Variants in ADGRG4 observed in about 807,000 individuals in gnomAD.
ADGRG4 encodes G protein-coupled receptor 112.
A neutral mutation model predicts 126.2 loss-of-function variants in ADGRG4; 122 were observed. The observed-to-expected ratio is 0.97, with a 90% CI of 0.83 to 1.12. The LOEUF (loss-of-function observed/expected upper bound fraction) is 1.12. Ranked by LOEUF, ADGRG4 falls within the 50% of genes most tolerant of loss-of-function variation. The pLI is 0.00. For missense variants in ADGRG4, 2,481 were observed against 2,251.8 expected, an observed-to-expected ratio of 1.10 and a Z score of -2.06; for synonymous variants, 943 against 838.7, an observed-to-expected ratio of 1.12 and a Z score of -2.15.
intron 15 of ADGRG4, among the ~76,000 whole-genome samples, chrX:136,383,861 T>C (rs183774237): frequency 3.4e-5 from 3 of 87,525 alleles, no homozygotes; most frequent in Admixed American, 1.2e-4. Flanking sequence ...TTTCTTTCTT[T>C]CTTTCTTTCT....
chrX:136,351,927 C>T (rs1424195688), intron 7 of ADGRG4, among the ~76,000 whole-genome samples: 1 of 110,872 alleles, frequency 9.0e-6, no homozygotes, highest in African/African-American at 3.3e-5. Flanking sequence ...TTGTTTTCTG[C>T]ATTTTATTTC....
chrX:136,395,987 C>T (rs1165958456), intron 19 of ADGRG4, among the ~76,000 whole-genome samples: 2 of 111,291 alleles, frequency 1.8e-5, no homozygotes, highest in Non-Finnish European at 3.8e-5. Context: ...TTTAACTAAT[C>T]CCTGACTAGT....
At chrX:136,310,146 G>GTTA (rs1243774004) in intron 4 of ADGRG4, among the ~76,000 whole-genome samples, 2 of 109,751 alleles carry the variant, frequency 1.8e-5, no homozygotes, top group Non-Finnish European at 3.8e-5. Flanking sequence ...TATTATTATT[G>GTTA]TTATTATTAT....
chrX:136,332,534 C>G (rs1479629539), intron 5 of ADGRG4, among the ~76,000 whole-genome samples: 61 of 108,889 alleles, frequency 5.6e-4, no homozygotes, highest in African/African-American at 2.0e-3. Flanking sequence ...AATGGGATGG[C>G]TGGGTCAAAT....
chrX:136,333,412 G>T (rs147926210), intron 5 of ADGRG4, among the ~76,000 whole-genome samples: 24 of 100,859 alleles, frequency 2.4e-4, no homozygotes, highest in Non-Finnish European at 4.0e-4. Context: ...ATGAGCCACC[G>T]CACCCAGCCC....
rs372520868 is a variant in ADGRG4 at position 136,349,589 on chromosome X, A to C, written c.5883A>C (p.Leu1961Phe). ...LSENPSLSTS[L>F]RAITSTLADV... ...AGAACCCTTCATTATCAACATCTTTAAGAGCTATCACTTCCACATTGGCTG... is the reference window on the plus strand; with the variant it reads ...AGAACCCTTCATTATCAACATCTTTCAGAGCTATCACTTCCACATTGGCTG... Residue 1961 changes from leucine (L) to phenylalanine (F), a missense_variant, in exon 6 of 26, where the codon TTA (leucine) becomes TTC (phenylalanine). Coordinates refer to ENST00000394143, the MANE Select transcript of ADGRG4 (RefSeq NM_153834.4). 3 of 1,207,881 alleles carry C rather than the reference A, an allele frequency of 2.5e-6. No individual in the cohort carries two copies. Among genetic ancestry groups the C allele is most frequent in the African/African-American group, 3.5e-5 (2 of 56,910 alleles).
At position 136,392,243 on chromosome X, in the gene ADGRG4, C is replaced by T. The variant is rs532333796; in HGVS notation, c.7923C>T (p.Val2641=). The T allele has an allele frequency of 2.8e-5, 33 of 1,159,047 alleles. No individual in the cohort carries two copies. In the Admixed American group the frequency reaches 7.3e-4, roughly 26 times the overall value. The change falls in exon 17 of 26, where the codon GTC becomes GTT. Residue 2641 remains valine (V), a synonymous_variant. Transcript: ENST00000394143. ...GQTSLFKTKN[V]TKALTTYVVS... ...TGTTTCATCTGCAGACCAAAAATGT[C>T]ACTAAAGCATTAACCACCTATGTTG...
chrX:136,302,121 A>T (rs187970181), intron 1 of ADGRG4, among the ~76,000 whole-genome samples: 1 of 112,192 alleles, frequency 8.9e-6, no homozygotes, highest in East Asian at 2.8e-4. Context: ...TCTGTGAAGA[A>T]AGTCATTGGT....
chrX:136,325,684 C>T (rs1450555866), intron 5 of ADGRG4, among the ~76,000 whole-genome samples: 7 of 108,188 alleles, frequency 6.5e-5, no homozygotes, highest in Non-Finnish European at 1.9e-5. Flanking sequence ...TACTAGACAA[C>T]CCTGTTTTAT....
rs754689601 is a variant in ADGRG4, at chrX:136,371,356, T to C, written c.7425T>C (p.Ile2475=). ...DENAEDVAEH[I]LNLINESPAL... is the part of the protein sequence containing the mutation. ...ATGCTGAGGATGTTGCAGAGCATAT[T>C]TTAAATTTGATAAATGAATCCCCAG... The change falls in exon 14 of 26, where the codon ATT becomes ATC. Residue 2475 remains isoleucine (I), a synonymous_variant. Transcript: ENST00000394143. The C allele has an allele frequency of 2.5e-6, 3 of 1,194,168 alleles. No individual in the cohort carries two copies. The highest frequency in any genetic ancestry group is 1.1e-6 in the Non-Finnish European group (1 of 885,998).
intron 5 of ADGRG4, among the ~76,000 whole-genome samples, chrX:136,330,488 T>C (rs750100236): frequency 5.2e-4 from 57 of 110,019 alleles, no homozygotes; most frequent in African/African-American, 1.9e-3. Context: ...TATTCCATGG[T>C]ATGGATATGT....
At chrX:136,356,049 C>T (rs1036377547) in intron 8 of ADGRG4, 77 bp from the exon 9 acceptor site, 17 of 718,089 alleles carry the variant, frequency 2.4e-5, no homozygotes, top group Non-Finnish European at 3.5e-5. Flanking sequence ...TCAGAGTTGC[C>T]TTTCTCCTGA....
At chrX:136,397,015 T>A (rs996296838) in intron 19 of ADGRG4, among the ~76,000 whole-genome samples, 14 of 110,648 alleles carry the variant, frequency 1.3e-4, no homozygotes, top group African/African-American at 4.6e-4. Context: ...GGTCTCAATC[T>A]CCTGACCTCG....
intron 14 of ADGRG4, 50 bp from the exon 15 acceptor site, chrX:136,372,852 T>C: frequency 8.6e-7 from 1 of 1,165,731 alleles, no homozygotes; most frequent in East Asian, 3.0e-5. Context: ...GGAGGATGGG[T>C]TTTACTTTTA....
chrX:136,361,691 C>G, intron 12 of ADGRG4, 104 bp downstream of exon 12: 1 of 503,839 alleles, frequency 2.0e-6, no homozygotes, highest in Non-Finnish European at 3.0e-6. Flanking sequence ...CCTTCCTCCA[C>G]CTCTAGTGCC....
intron 5 of ADGRG4, 43 bp from the exon 6 acceptor site, chrX:136,344,349 C>G: frequency 2.1e-6 from 2 of 946,071 alleles, no homozygotes. Flanking sequence ...CTCTAATTTC[C>G]AAAGCTGAAT....
At chrX:136,324,422 A>AT (rs2148452073) in intron 5 of ADGRG4, among the ~76,000 whole-genome samples, 1 of 110,301 alleles carries the variant, frequency 9.1e-6, no homozygotes, top group African/African-American at 3.3e-5. Context: ...GTGTTTATTT[A>AT]TTTAAGACAC....
intron 8 of ADGRG4, among the ~76,000 whole-genome samples, chrX:136,354,093 A>G (rs1387079161): frequency 4.5e-5 from 5 of 112,314 alleles, no homozygotes; most frequent in Non-Finnish European, 7.5e-5. Flanking sequence ...TCTTCTGTAC[A>G]CTGGGACTTT....
At chrX:136,404,263 C>G (rs12008023) in intron 22 of ADGRG4, among the ~76,000 whole-genome samples, 1 of 110,331 alleles carries the variant, frequency 9.1e-6, no homozygotes, top group Admixed American at 9.7e-5. Flanking sequence ...CCATCCTCCC[C>G]CTTTGCCCGT....
Sources: allele counts gnomAD v4.1 joint callset (sites outside exome capture counted in the v4.1 genomes callset), GRCh38; gene constraint gnomAD v4.1.1; transcripts MANE v1.5; gene names NCBI Gene and HGNC (gene_info 2026-07-23, HGNC 2026-07-21).